Variants in GRAP2 observed in about 807,000 individuals in gnomAD.
GRAP2 encodes the protein GRB2-related adapter protein 2.
A neutral mutation model predicts 43.5 loss-of-function variants in GRAP2; 31 were observed. The observed-to-expected ratio is 0.71, with a 90% CI of 0.54 to 0.96. GRAP2 has a LOEUF of 0.96. GRAP2 is among the 40% of genes least tolerant of loss of function. The pLI, the probability that GRAP2 is intolerant of heterozygous loss-of-function variation, is 0.00. For missense variants in GRAP2, 371 were observed against 424.4 expected (o/e 0.87, Z 1.11); for synonymous variants, 156 against 164.8 (o/e 0.95, Z 0.41).
chr22:39,926,204 A>G (rs1023413811), intron 1 of GRAP2, among the ~76,000 whole-genome samples: 9 of 152,216 alleles, frequency 5.9e-5, no homozygotes, highest in African/African-American at 1.7e-4. Context: ...TCTTTTTGGT[A>G]TATTCATTCA....
At chr22:39,952,047 G>A (rs532960229) in intron 2 of GRAP2, among the ~76,000 whole-genome samples, 124 of 143,212 alleles carry the variant, frequency 8.7e-4, no homozygotes, top group African/African-American at 2.8e-3. Context: ...TTCTTTTTGA[G>A]ACAGAGTCTT....
At chr22:39,901,621 T>C (rs1164338609) in intron 1 of GRAP2, among the ~76,000 whole-genome samples, 2 of 152,122 alleles carry the variant, frequency 1.3e-5, no homozygotes, top group African/African-American at 4.8e-5. Context: ...TTTTCGACCT[T>C]GGGATCATGG....
At chr22:39,951,585 CTT>C (rs1308968494) in intron 2 of GRAP2, among the ~76,000 whole-genome samples, 1 of 152,156 alleles carries the variant, frequency 6.6e-6, no homozygotes. Flanking sequence ...AAAATCATCT[CTT>C]AGGGAACATT....
intron 1 of GRAP2, among the ~76,000 whole-genome samples, chr22:39,914,584 ACAT>A (rs2066589826): frequency 6.6e-6 from 1 of 152,326 alleles, no homozygotes; most frequent in East Asian, 1.9e-4. Context: ...ATCTCATTTC[ACAT>A]CATGTCTCTA....
chr22:39,970,589 C>T (rs1314718655), intron 7 of GRAP2, among the ~76,000 whole-genome samples: 1 of 152,142 alleles, frequency 6.6e-6, no homozygotes, highest in Non-Finnish European at 1.5e-5. Context: ...GTTCTGGGAA[C>T]TTCTTGCTCA....
intron 2 of GRAP2, among the ~76,000 whole-genome samples, chr22:39,953,114 G>A (rs2067005424): frequency 6.6e-6 from 1 of 151,992 alleles, no homozygotes; most frequent in African/African-American, 2.4e-5. Flanking sequence ...TCTTTTCTGG[G>A]AGAAAGAAGC....
chr22:39,926,696 C>T (rs1213091215), intron 1 of GRAP2: 14 of 984,974 alleles, frequency 1.4e-5, no homozygotes, highest in East Asian at 2.3e-4. Context: ...ATGCATGAGT[C>T]GGGGGATTGG....
chr22:39,933,593 C>A (rs2066777525), intron 1 of GRAP2, among the ~76,000 whole-genome samples: 1 of 152,012 alleles, frequency 6.6e-6, no homozygotes, highest in Non-Finnish European at 1.5e-5. Flanking sequence ...GTAATTCCAG[C>A]ACTTTCGGAG....
In GRAP2 at chr22:39,968,097, G is replaced by A; in HGVS notation, c.515G>A (p.Gly172Glu). ...TCCCAGGGAGGCCCACACCTCAGTG[G>A]GGCTGTGGGAGAAGAAATCCGACCT... ...RRSQGGPHLSGAVGEEIRPSM... is the reference protein window; with the variant it reads ...RRSQGGPHLSEAVGEEIRPSM... Residue 172 changes from glycine (G) to glutamate (E), a missense_variant, in exon 6 of 8, where the codon GGG becomes GAG. Gly to Glu is a moderately conservative substitution (Grantham distance 98, BLOSUM62 -2). Transcript: ENST00000344138. The A allele has an allele frequency of 6.2e-7, 1 of 1,611,852 alleles. No individual in the cohort carries two copies. The highest frequency in any genetic ancestry group is 8.5e-7 in the Non-Finnish European group (1 of 1,179,020).
chr22:39,925,055 G>A (rs943270622), intron 1 of GRAP2, among the ~76,000 whole-genome samples: 3 of 152,172 alleles, frequency 2.0e-5, no homozygotes, highest in Non-Finnish European at 4.4e-5. Flanking sequence ...GGGGGTTACG[G>A]CAGGCAGGGT....
chr22:39,942,842 T>C (rs1196762116), intron 1 of GRAP2, among the ~76,000 whole-genome samples: 1 of 152,202 alleles, frequency 6.6e-6, no homozygotes, highest in Non-Finnish European at 1.5e-5. Flanking sequence ...GACAAATATG[T>C]GACAAGCAAT....
At chr22:39,917,632 G>C (rs1033084181) in intron 1 of GRAP2, among the ~76,000 whole-genome samples, 2 of 152,092 alleles carry the variant, frequency 1.3e-5, no homozygotes, top group Non-Finnish European at 2.9e-5. Flanking sequence ...AAGTATGTTT[G>C]GAACTATTCT....
intron 1 of GRAP2, among the ~76,000 whole-genome samples, chr22:39,922,780 CGCCTGT>C (rs1324599026): frequency 8.5e-5 from 13 of 152,100 alleles, no homozygotes; most frequent in African/African-American, 3.1e-4. Flanking sequence ...CGGTGGCTCG[CGCCTGT>C]AATCCCCACA....
chr22:39,943,965 C>T (rs910753450), intron 1 of GRAP2, among the ~76,000 whole-genome samples: 30 of 152,152 alleles, frequency 2.0e-4, no homozygotes, highest in African/African-American at 3.4e-4. Context: ...ATGATCCGCC[C>T]GCCTCCTGGG....
upstream of GRAP2, among the ~76,000 whole-genome samples, chr22:39,897,771 A>G (rs539421259): frequency 6.6e-6 from 1 of 152,220 alleles, no homozygotes; most frequent in African/African-American, 2.4e-5. Context: ...CATCCGCCTC[A>G]GTCTCCCAAA....
chr22:39,957,375 G>A (rs2067066179), intron 3 of GRAP2, among the ~76,000 whole-genome samples: 1 of 152,060 alleles, frequency 6.6e-6, no homozygotes, highest in South Asian at 2.1e-4. Flanking sequence ...TTGATTCCAG[G>A]TTCTCTGGAA....
chr22:39,897,468 C>G (rs2066470265), upstream of GRAP2, among the ~76,000 whole-genome samples: 1 of 151,588 alleles, frequency 6.6e-6, no homozygotes, highest in African/African-American at 2.4e-5. Flanking sequence ...TCACATCATC[C>G]TGTTTTAAGC....
intron 1 of GRAP2, among the ~76,000 whole-genome samples, chr22:39,920,235 A>G (rs1258720920): frequency 1.3e-5 from 2 of 152,178 alleles, no homozygotes; most frequent in African/African-American, 4.8e-5. Flanking sequence ...GGGGACACAC[A>G]CTGTCCAGCA....
intron 1 of GRAP2, among the ~76,000 whole-genome samples, chr22:39,905,514 A>G (rs1472894840): frequency 1.3e-5 from 2 of 152,166 alleles, no homozygotes; most frequent in East Asian, 3.8e-4. Context: ...TAAGCTATAA[A>G]ATGGGATTAC....
Sources: gnomAD v4.1 joint callset for allele counts (sites outside exome capture counted in the v4.1 genomes callset) on GRCh38, gnomAD v4.1.1 for gene constraint, MANE v1.5 for transcripts, NCBI Gene and HGNC (gene_info 2026-07-23, HGNC 2026-07-21) for gene names.